EFCC1: variants seen among roughly 807,000 people sequenced by gnomAD.
The protein encoded by EFCC1 is EF-hand and coiled-coil domain containing 1, also known as EF-hand and coiled-coil domain-containing protein 1.
Under a neutral mutation model 52.1 loss-of-function variants are expected in EFCC1, and 50 were observed. That is an observed-to-expected ratio of 0.96 (90% CI 0.76 to 1.21). The LOEUF (loss-of-function observed/expected upper bound fraction) is 1.21, where lower values mean the gene tolerates loss of function less well. Among genes scored for constraint, EFCC1 ranks in the 50% most tolerant of loss-of-function variants. The pLI is 0.00. For missense variants in EFCC1, 837 were observed against 867.3 expected, an observed-to-expected ratio of 0.97 and a Z score of 0.44; for synonymous variants, 399 against 396.5, an observed-to-expected ratio of 1.01 and a Z score of -0.08.
intron 2 of EFCC1, 21 bp from the exon 3 acceptor site, chr3:129,030,680 CTG>C: frequency 6.5e-7 from 1 of 1,549,364 alleles, no homozygotes; most frequent in Non-Finnish European, 8.7e-7. Context: ...TCCTCAATGC[CTG>C]TGTCTCTCCC....
At chr3:129,017,300 G>A (rs1945628232) in intron 2 of EFCC1, among the ~76,000 whole-genome samples, 1 of 152,260 alleles carries the variant, frequency 6.6e-6, no homozygotes, top group African/African-American at 2.4e-5. Context: ...CAGATGGGGT[G>A]TGGTTGTTTG....
At chr3:129,028,902 A>G (rs1189293820) in intron 2 of EFCC1, among the ~76,000 whole-genome samples, 1 of 152,122 alleles carries the variant, frequency 6.6e-6, no homozygotes, top group Non-Finnish European at 1.5e-5. Context: ...TGGCCTCCCA[A>G]AGTGCTAGGA....
chr3:129,040,069 C>T lies in EFCC1; in HGVS notation c.*221C>T, dbSNP rs1357785968. On this transcript the variant is annotated 3_prime_UTR_variant, in exon 8 of 8. Transcript: ENST00000683648. The surrounding 1 kb of genome is among the most constrained non-coding windows in gnomAD (Gnocchi z 4.4). ...GCTCCTCCACATTACCTCGCAGCCC[C>T]TGCATTCCTGCCACCAGAGTCCACA... is the stretch of plus-strand genomic sequence containing the variant. 2.0e-6 allele frequency: 1 copy of T among 502,726 alleles called. No individual in the cohort carries two copies. The highest frequency in any genetic ancestry group is 2.0e-5 in the African/African-American group (1 of 50,630). 31.1% of individuals were successfully genotyped at this position (502,726 alleles called of 1,614,324 possible). A position where few individuals can be genotyped will look rare whatever the true frequency, so the allele number is the denominator to read the frequency against.
chr3:129,037,065 TGGA>T lies in EFCC1; in HGVS notation c.1546_1548del (p.Glu516del), dbSNP rs1197477106. ...ACCGAGAGGGTGCGGCTGTCCCTGCTGGAGGAGAAGCTGGTGGACGTGCTGCAG... is the reference window on the plus strand; with the variant it reads ...ACCGAGAGGGTGCGGCTGTCCCTGCTGGAGAAGCTGGTGGACGTGCTGCAG... On this transcript the variant is annotated inframe_deletion, in exon 6 of 8. Transcript: ENST00000683648. The T allele has an allele frequency of 6.2e-7, 1 of 1,613,272 alleles. No individual in the cohort carries two copies. The highest frequency in any genetic ancestry group is 1.3e-5 in the African/African-American group (1 of 74,926).
chr3:129,038,845 A>C lies in EFCC1; in HGVS notation c.1608A>C (p.Arg536Ser). 6.2e-7 allele frequency: 1 copy of C among 1,613,960 alleles called. No individual in the cohort carries two copies. Among genetic ancestry groups the C allele is most frequent in the South Asian group, 1.1e-5 (1 of 91,072 alleles). ...TTCTTTTTAAGAACATATCGAAAAGAGCCCTGGGGAAGATTTTGCTGAGCA... is the reference window on the plus strand; with the variant it reads ...TTCTTTTTAAGAACATATCGAAAAGCGCCCTGGGGAAGATTTTGCTGAGCA... ...QRLRDLNISK[R>S]ALGKILLSTL... Residue 536 changes from arginine (R) to serine (S), a missense_variant, in exon 7 of 8, where the codon AGA (arginine) becomes AGC (serine). Arg to Ser is a moderately radical substitution (Grantham distance 110). Coordinates refer to ENST00000683648, the MANE Select transcript of EFCC1 (RefSeq NM_001377500.1).
At position 129,002,282 on chromosome 3, in the gene EFCC1, C is replaced by T; in HGVS notation, c.654C>T (p.Arg218=). 2 of 1,529,148 alleles carry T rather than the reference C, an allele frequency of 1.3e-6. 1 individual carries two copies. Among genetic ancestry groups the T allele is most frequent in the South Asian group, 2.4e-5 (2 of 83,752 alleles). The allele number at this position is 1,529,148 out of a possible 1,614,324, so 94.7% of individuals were successfully genotyped here. ...TGCGCGAGTTGGTGGAGGACCTGCGCGCCGCGCTGCAGAGCAGTGATGCGC... is the reference window on the plus strand; with the variant it reads ...TGCGCGAGTTGGTGGAGGACCTGCGTGCCGCGCTGCAGAGCAGTGATGCGC... ...SSLRELVEDL[R]AALQSSDARC... The change falls in exon 1 of 8, where the codon CGC becomes CGT. Residue 218 remains arginine, a synonymous_variant. Coordinates refer to ENST00000683648, the MANE Select transcript of EFCC1 (RefSeq NM_001377500.1).
chr3:129,028,107 T>C (rs1030122280), intron 2 of EFCC1, among the ~76,000 whole-genome samples: 4 of 151,556 alleles, frequency 2.6e-5, no homozygotes, highest in African/African-American at 4.9e-5. Context: ...TTTTTTGAGA[T>C]GGAGCCTCAC....
chr3:129,020,947 C>T (rs1264999206), intron 2 of EFCC1, among the ~76,000 whole-genome samples: 2 of 152,178 alleles, frequency 1.3e-5, no homozygotes, highest in Non-Finnish European at 1.5e-5. Context: ...GTGAGGCTGC[C>T]GTGGCCAGTG....
intron 3 of EFCC1, among the ~76,000 whole-genome samples, chr3:129,032,352 G>C (rs1162532117): frequency 1.3e-5 from 2 of 151,946 alleles, no homozygotes; most frequent in African/African-American, 4.8e-5. Flanking sequence ...TGTCATCTTA[G>C]AAAACAGGGA....
At chr3:129,020,297 T>G (rs1230065261) in intron 2 of EFCC1, among the ~76,000 whole-genome samples, 1 of 152,184 alleles carries the variant, frequency 6.6e-6, no homozygotes, top group Non-Finnish European at 1.5e-5. Context: ...ATCCCTAATT[T>G]AGCCCTGACT....
intron 2 of EFCC1, among the ~76,000 whole-genome samples, chr3:129,021,970 C>T (rs1472234764): frequency 1.3e-5 from 2 of 152,060 alleles, no homozygotes; most frequent in African/African-American, 2.4e-5. Context: ...AGAAAGAGGG[C>T]GTCAGTGTGT....
At position 129,002,159 on chromosome 3, in the gene EFCC1, C is replaced by T. The variant is rs1174300527; in HGVS notation, c.531C>T (p.Arg177=). ...ACATCGAGACGCAGATCCGCCTGCG[C>T]CGTCCGCGCCGCCGCCGCCGCCCGC... ...SEHIETQIRL[R]RPRRRRRPPC... The change falls in exon 1 of 8, where the codon CGC becomes CGT. Residue 177 remains arginine (R), a synonymous_variant. Coordinates refer to ENST00000683648, the MANE Select transcript of EFCC1 (RefSeq NM_001377500.1). 6.8e-7 allele frequency: 1 copy of T among 1,471,662 alleles called. No homozygotes were observed. The allele number at this position is 1,471,662 out of a possible 1,614,324, so 91.2% of individuals were successfully genotyped here.
At chr3:129,033,694 G>T (rs1946317376) in intron 4 of EFCC1, among the ~76,000 whole-genome samples, 1 of 152,250 alleles carries the variant, frequency 6.6e-6, no homozygotes, top group East Asian at 1.9e-4. Flanking sequence ...GAAAATCGCA[G>T]TAAACCAGAC....
intron 5 of EFCC1, 117 bp downstream of exon 5, chr3:129,034,446 C>G: frequency 8.6e-7 from 1 of 1,165,728 alleles, no homozygotes; most frequent in East Asian, 2.6e-5. Context: ...AAACCAAGGC[C>G]CAGAGGGAGG....
At chr3:129,003,348 A>G (rs71331687) in intron 1 of EFCC1, 18 of 933,638 alleles carry the variant, frequency 1.9e-5, no homozygotes, top group Admixed American at 6.2e-5. Flanking sequence ...ACACACCAGT[A>G]AAGACAGATA....
Position 129,014,472 on chromosome 3 carries a change from G to A in EFCC1, c.980+10395G>A, listed in dbSNP as rs1312559107. Reference sequence around the variant, plus strand: ...TGTATCCTCGCGTGGTCTTCCTTCTGTGTGTATTTCTGTCCTAATCCCCTC... The same window carrying A: ...TGTATCCTCGCGTGGTCTTCCTTCTATGTGTATTTCTGTCCTAATCCCCTC... On this transcript the variant is annotated intron_variant, in intron 2 of 7. Coordinates refer to ENST00000683648, the MANE Select transcript of EFCC1 (RefSeq NM_001377500.1). This position sits in a 1 kb window ranked among gnomAD's most constrained non-coding sequence, Gnocchi z 4.3. Among the ~76,000 whole-genome samples the A allele has an allele frequency of 6.6e-6, 1 of 152,230 alleles. No homozygotes were observed. The highest frequency in any genetic ancestry group is 2.4e-5 in the African/African-American group (1 of 41,450).
In EFCC1 at chr3:129,032,965, AGG is replaced by A; in HGVS notation, c.1286_1286+1del. On this transcript the variant is annotated splice_donor_variant and coding_sequence_variant, in exon 4 of 8. Transcript: ENST00000683648. LOFTEE classifies it high-confidence loss of function. ...GGCCCGGCTCTCCAGCTGCAGAGGCAGGTGTGTGGCCCGTCCAGCGTCAGCCA... is the reference window on the plus strand; with the variant it reads ...GGCCCGGCTCTCCAGCTGCAGAGGCATGTGTGGCCCGTCCAGCGTCAGCCA... The A allele has an allele frequency of 1.9e-6, 3 of 1,539,742 alleles. No homozygotes were observed. The highest frequency in any genetic ancestry group is 2.6e-6 in the Non-Finnish European group (3 of 1,140,668).
In EFCC1 at chr3:129,002,026, T is replaced by G; in HGVS notation, c.398T>G (p.Leu133Arg). 1 of 1,544,318 alleles carries G rather than the reference T, an allele frequency of 6.5e-7. No homozygotes were observed. Among genetic ancestry groups the G allele is most frequent in the Non-Finnish European group, 8.7e-7 (1 of 1,144,694 alleles). ...SDTDEEARLA[L>R]RAEPPELTFR... Reference sequence around the variant, plus strand: ...ACCGATGAAGAGGCGCGCCTGGCGCTGCGCGCCGAGCCGCCGGAGCTCACC... The same window carrying G: ...ACCGATGAAGAGGCGCGCCTGGCGCGGCGCGCCGAGCCGCCGGAGCTCACC... Residue 133 changes from leucine to arginine, a missense_variant, in exon 1 of 8, where the codon CTG becomes CGG. By Grantham distance (102) the Leu-to-Arg change is moderately radical. Transcript: ENST00000683648.
chr3:129,038,996 G>A lies in EFCC1; in HGVS notation c.1663+96G>A, dbSNP rs916438173. On this transcript the variant is annotated intron_variant, in intron 7 of 7. Coordinates refer to ENST00000683648, the MANE Select transcript of EFCC1 (RefSeq NM_001377500.1). ...GTGCTTCATGCTTAGCATCTTGTCT[G>A]CAAAACAATCATGTTATTCCTGCCC... 22 of 1,092,484 alleles carry A rather than the reference G, an allele frequency of 2.0e-5. 1 individual carries two copies. The highest frequency in any genetic ancestry group is 2.9e-5 in the Non-Finnish European group (21 of 716,242). 67.7% of individuals were successfully genotyped at this position (1,092,484 alleles called of 1,614,324 possible). A position where few individuals can be genotyped will look rare whatever the true frequency, so the allele number is the denominator to read the frequency against.
Sources: gnomAD v4.1 joint callset for allele counts (sites outside exome capture counted in the v4.1 genomes callset) on GRCh38, gnomAD v4.1.1 for gene constraint, Gnocchi (gnomAD v3.1) non-coding constraint, MANE v1.5 for transcripts, NCBI Gene and HGNC (gene_info 2026-07-23, HGNC 2026-07-21) for gene names.